CFAP299: variants seen among roughly 807,000 people sequenced by gnomAD.
CFAP299 encodes cilia- and flagella-associated protein 299.
Under a neutral mutation model 27.0 loss-of-function variants are expected in CFAP299, and 21 were observed. The observed-to-expected ratio is 0.78, with a 90% confidence interval of 0.55 to 1.12. CFAP299 has a LOEUF of 1.12. CFAP299 is among the 50% of genes most tolerant of loss of function. The pLI is 0.00. For missense variants in CFAP299, 310 were observed against 276.6 expected (o/e 1.12, Z -0.86); for synonymous variants, 104 against 98.1 (o/e 1.06, Z -0.36).
At chr4:80,863,875 CTT>C (rs1054560949) in intron 3 of CFAP299, among the ~76,000 whole-genome samples, 7 of 151,840 alleles carry the variant, frequency 4.6e-5, no homozygotes, top group Admixed American at 6.6e-5. Flanking sequence ...TTTCATGTGT[CTT>C]TTGGGAAATT....
At chr4:80,341,940 A>C (rs1722479689) in intron 1 of CFAP299, among the ~76,000 whole-genome samples, 1 of 152,210 alleles carries the variant, frequency 6.6e-6, no homozygotes, top group Admixed American at 6.5e-5. Context: ...ACAGTACAGG[A>C]GCTGATAGCA....
intron 4 of CFAP299, among the ~76,000 whole-genome samples, chr4:80,887,823 T>G (rs928844772): frequency 6.6e-6 from 1 of 151,824 alleles, no homozygotes; most frequent in African/African-American, 2.4e-5. Flanking sequence ...AGTTAAAAAG[T>G]GGGAGGATGA....
intron 4 of CFAP299, among the ~76,000 whole-genome samples, chr4:80,914,672 C>A (rs1332202620): frequency 1.3e-5 from 2 of 152,128 alleles, no homozygotes; most frequent in Admixed American, 6.5e-5. Context: ...ATATAGGACC[C>A]TGCAGGTTAT....
At chr4:80,724,819 TTTTC>T (rs911350027) in intron 3 of CFAP299, among the ~76,000 whole-genome samples, 24 of 151,770 alleles carry the variant, frequency 1.6e-4, no homozygotes, top group African/African-American at 5.6e-4. Flanking sequence ...TCTTCCTTTT[TTTTC>T]TTTCTTTTTC....
At chr4:80,624,977 A>G (rs1018013913) in intron 3 of CFAP299, among the ~76,000 whole-genome samples, 2 of 152,148 alleles carry the variant, frequency 1.3e-5, no homozygotes, top group Admixed American at 6.5e-5. Flanking sequence ...TTGTCTTACA[A>G]GAAATGCTAA....
intron 2 of CFAP299, among the ~76,000 whole-genome samples, chr4:80,459,072 T>C (rs1485822325): frequency 6.6e-6 from 1 of 152,100 alleles, no homozygotes; most frequent in African/African-American, 2.4e-5. Flanking sequence ...CCTCAAACTC[T>C]TGGGCTTAAT....
At chr4:80,847,468 A>C (rs145648181) in intron 3 of CFAP299, among the ~76,000 whole-genome samples, 66 of 152,302 alleles carry the variant, frequency 4.3e-4, no homozygotes, top group Admixed American at 1.6e-3. Context: ...GGCAGAGATG[A>C]TGTCAGTTTT....
chr4:80,953,138 C>T (rs567426930), intron 5 of CFAP299, among the ~76,000 whole-genome samples: 1 of 152,162 alleles, frequency 6.6e-6, no homozygotes, highest in African/African-American at 2.4e-5. Flanking sequence ...GCTTCCGCAA[C>T]GTCTCAGAAA....
At chr4:80,412,675 A>G (rs985178469) in intron 2 of CFAP299, among the ~76,000 whole-genome samples, 11 of 152,206 alleles carry the variant, frequency 7.2e-5, no homozygotes, top group African/African-American at 2.7e-4. Flanking sequence ...ATCTTTGCTC[A>G]CTGAGGATGC....
chr4:80,356,914 A>G (rs932910594), intron 1 of CFAP299, among the ~76,000 whole-genome samples: 14 of 152,114 alleles, frequency 9.2e-5, no homozygotes, highest in African/African-American at 3.4e-4. Context: ...GTCTTGTGCC[A>G]GTTTTCAAGG....
At chr4:80,840,397 G>A (rs1014905734) in intron 3 of CFAP299, among the ~76,000 whole-genome samples, 1 of 152,102 alleles carries the variant, frequency 6.6e-6, no homozygotes. Context: ...AGACAAGTTG[G>A]AGTTTTGTCT....
intron 2 of CFAP299, among the ~76,000 whole-genome samples, chr4:80,379,265 G>A (rs189025733): frequency 1.3e-5 from 2 of 152,124 alleles, no homozygotes; most frequent in African/African-American, 4.8e-5. Context: ...GTAGTAGAAA[G>A]TGTAGGGATA....
At chr4:80,630,800 C>T (rs969829384) in intron 3 of CFAP299, among the ~76,000 whole-genome samples, 1 of 151,898 alleles carries the variant, frequency 6.6e-6, no homozygotes, top group African/African-American at 2.4e-5. Context: ...TTCCATGAAA[C>T]AAATGCCAAG....
intron 3 of CFAP299, among the ~76,000 whole-genome samples, chr4:80,622,217 G>T (rs17004958): frequency 0.051 from 7,725 of 152,136 alleles, 567 homozygotes; most frequent in African/African-American, 0.16. Context: ...AGACTAATTG[G>T]GAGAGCTTGC....
chr4:80,783,547 A>G (rs1727054462), intron 3 of CFAP299, among the ~76,000 whole-genome samples: 1 of 152,176 alleles, frequency 6.6e-6, no homozygotes, highest in Non-Finnish European at 1.5e-5. Flanking sequence ...AGAATGTAAA[A>G]CTTCTTTAAT....
intron 2 of CFAP299, among the ~76,000 whole-genome samples, chr4:80,531,149 C>T (rs1447672855): frequency 1.3e-5 from 2 of 152,018 alleles, no homozygotes; most frequent in Admixed American, 6.6e-5. Context: ...ATGGCTTGGA[C>T]CATGAGTGAC....
intron 3 of CFAP299, among the ~76,000 whole-genome samples, chr4:80,671,632 G>T (rs1435192028): frequency 1.3e-5 from 2 of 152,224 alleles, no homozygotes; most frequent in Admixed American, 6.5e-5. Flanking sequence ...CATGAGTATG[G>T]AGTGTTCTTC....
chr4:80,593,830 G>A (rs540673867), intron 3 of CFAP299, among the ~76,000 whole-genome samples: 12 of 152,106 alleles, frequency 7.9e-5, no homozygotes, highest in Non-Finnish European at 1.8e-4. Context: ...GTGTTTCAGT[G>A]CTATACATTT....
At chr4:80,604,576 G>C (rs1737541332) in intron 3 of CFAP299, among the ~76,000 whole-genome samples, 1 of 152,194 alleles carries the variant, frequency 6.6e-6, no homozygotes. Flanking sequence ...CCAGAATGGT[G>C]CCTGGATATT....
Sources: gnomAD v4.1 joint callset for allele counts (sites outside exome capture counted in the v4.1 genomes callset) on GRCh38, gnomAD v4.1.1 for gene constraint, MANE v1.5 for transcripts, NCBI Gene and HGNC (gene_info 2026-07-23, HGNC 2026-07-21) for gene names.